Variants in RYR2 observed in about 807,000 individuals in gnomAD.
The protein encoded by RYR2 is ryanodine receptor 2.
A neutral mutation model predicts 601.1 loss-of-function variants in RYR2; 227 were observed. The ratio of observed to expected loss-of-function variants is 0.38; its 90% confidence interval spans 0.34 to 0.42. RYR2 has a LOEUF of 0.42. Ranked by LOEUF, RYR2 falls within the 10% of genes least tolerant of loss-of-function variation. RYR2 has a pLI of 1.00. For synonymous variants in RYR2, 2,223 were observed against 2,175.1 expected (o/e 1.02, Z -0.61); for missense variants, 4,646 against 6,156.5 (o/e 0.75, Z 8.21).
At chr1:237,631,874 C>CGGCG (rs1680348952) in intron 42 of RYR2, among the ~76,000 whole-genome samples, 2 of 53,176 alleles carry the variant, frequency 3.8e-5, no homozygotes, top group South Asian at 7.9e-4. Flanking sequence ...GTGATCCGCC[C>CGGCG]GCCTTGGCCT....
rs1486302379 is a variant in RYR2, at chr1:237,229,812, C to T, written c.49-40685C>T. Among the ~76,000 whole-genome samples, 7 of 152,264 alleles carry T rather than the reference C, an allele frequency of 4.6e-5. No homozygotes were observed. The South Asian group carries it at 1.0e-3, about 23-fold the overall frequency. ...GTATATCGTGCCCTTACTGTAAGCT[C>T]AAGGACACTGCATCTCCATGGGTTC... On this transcript the variant is annotated intron_variant, in intron 1 of 104. Transcript: ENST00000366574.
In RYR2 at chr1:237,645,535, G is replaced by A. The variant is rs116774054; in HGVS notation, c.7342+2088G>A. 3.0e-3 allele frequency among the ~76,000 whole-genome samples: 460 copies of A among 152,322 alleles called. 2 individuals are homozygous for A. The highest frequency in any genetic ancestry group is 0.01 in the African/African-American group (436 of 41,568). On this transcript the variant is annotated intron_variant, in intron 48 of 104. Transcript: ENST00000366574. ...GACATACAGATTAGGAAATAGGGAA[G>A]CATTAAATTTTGTAATAACATAATA...
intron 77 of RYR2, among the ~76,000 whole-genome samples, chr1:237,730,988 G>C (rs373723987): frequency 1.3e-5 from 2 of 152,108 alleles, no homozygotes; most frequent in South Asian, 2.1e-4. Context: ...CTAGTCAGAG[G>C]CTTCATGATT....
intron 35 of RYR2, among the ~76,000 whole-genome samples, chr1:237,603,615 TA>T (rs1264781812): frequency 6.6e-6 from 1 of 152,130 alleles, no homozygotes; most frequent in Non-Finnish European, 1.5e-5. Flanking sequence ...ATGCTCCAAT[TA>T]AAAAACACAG....
At chr1:237,592,988 C>G (rs1181991244) in intron 32 of RYR2, among the ~76,000 whole-genome samples, 2 of 150,040 alleles carry the variant, frequency 1.3e-5, no homozygotes, top group Admixed American at 1.3e-4. Context: ...ACCACTACAC[C>G]CCAGCCTGGG....
intron 1 of RYR2, among the ~76,000 whole-genome samples, chr1:237,046,608 T>C (rs558228319): frequency 6.6e-6 from 1 of 152,334 alleles, no homozygotes; most frequent in Admixed American, 6.5e-5. Flanking sequence ...CATGTACACA[T>C]TGGCAGGAAG....
At chr1:237,248,904 G>A (rs1687175119) in intron 1 of RYR2, among the ~76,000 whole-genome samples, 1 of 151,940 alleles carries the variant, frequency 6.6e-6, no homozygotes, top group South Asian at 2.1e-4. Context: ...TGGGATTACA[G>A]GCATGCGCCA....
intron 63 of RYR2, among the ~76,000 whole-genome samples, chr1:237,695,739 G>A (rs1206126206): frequency 6.6e-6 from 1 of 152,148 alleles, no homozygotes; most frequent in Non-Finnish European, 1.5e-5. Flanking sequence ...TCTTACACAT[G>A]CTAATGGGAT....
At chr1:237,592,884 CGTT>C (rs1000417658) in intron 32 of RYR2, among the ~76,000 whole-genome samples, 6 of 147,972 alleles carry the variant, frequency 4.1e-5, no homozygotes, top group African/African-American at 1.2e-4. Context: ...AACTGGGTGT[CGTT>C]GTGCACACCT....
chr1:237,675,823 G>A (rs1389136213), intron 60 of RYR2, among the ~76,000 whole-genome samples: 1 of 152,052 alleles, frequency 6.6e-6, no homozygotes, highest in Non-Finnish European at 1.5e-5. Context: ...TTCCAATTGA[G>A]CATCTTTCTC....
At chr1:237,613,813 G>T (rs1678160217) in intron 36 of RYR2, among the ~76,000 whole-genome samples, 1 of 152,110 alleles carries the variant, frequency 6.6e-6, no homozygotes, top group South Asian at 2.1e-4. Context: ...TCAGATTCAG[G>T]ATGCTCAACC....
intron 1 of RYR2, among the ~76,000 whole-genome samples, chr1:237,137,045 T>C (rs1352629328): frequency 6.7e-6 from 1 of 149,618 alleles, no homozygotes; most frequent in Admixed American, 6.7e-5. Context: ...AAAAAGATGC[T>C]GAACAAAATA....
At chr1:237,818,403 C>T (rs1404502260) in intron 100 of RYR2, among the ~76,000 whole-genome samples, 1 of 152,166 alleles carries the variant, frequency 6.6e-6, no homozygotes, top group African/African-American at 2.4e-5. Flanking sequence ...CTAAAATGCA[C>T]TTTAGTGAAC....
At chr1:237,129,527 A>G (rs1287708243) in intron 1 of RYR2, among the ~76,000 whole-genome samples, 1 of 152,150 alleles carries the variant, frequency 6.6e-6, no homozygotes, top group African/African-American at 2.4e-5. Context: ...CAATTTTGAC[A>G]GATTGAAGAG....
chr1:237,155,574 T>A (rs577122617), intron 1 of RYR2, among the ~76,000 whole-genome samples: 1 of 152,358 alleles, frequency 6.6e-6, no homozygotes, highest in South Asian at 2.1e-4. Context: ...ACTTCCAGTT[T>A]TGTATTGGAA....
At chr1:237,344,115 G>A (rs1255218287) in intron 3 of RYR2, among the ~76,000 whole-genome samples, 1 of 152,186 alleles carries the variant, frequency 6.6e-6, no homozygotes, top group Non-Finnish European at 1.5e-5. Flanking sequence ...GAGCCACCAC[G>A]CCTGGCCCCC....
intron 34 of RYR2, 21 bp downstream of exon 34, chr1:237,595,678 T>C (rs752783492): frequency 6.3e-6 from 10 of 1,589,250 alleles, no homozygotes; most frequent in African/African-American, 5.4e-5. Flanking sequence ...AGTGATGATA[T>C]CAGTCTTCTA....
intron 10 of RYR2, among the ~76,000 whole-genome samples, chr1:237,412,451 GT>G (rs1704548993): frequency 6.6e-6 from 1 of 152,124 alleles, no homozygotes; most frequent in South Asian, 2.1e-4. Flanking sequence ...CATACTGCTG[GT>G]TATTATATGT....
intron 2 of RYR2, among the ~76,000 whole-genome samples, chr1:237,289,261 A>G (rs976892013): frequency 1.3e-5 from 2 of 151,982 alleles, no homozygotes; most frequent in African/African-American, 2.4e-5. Context: ...AAAATTAACA[A>G]TGCGAGCCCC....
Sources: allele counts gnomAD v4.1 joint callset (sites outside exome capture counted in the v4.1 genomes callset), GRCh38; gene constraint gnomAD v4.1.1; transcripts MANE v1.5; gene names NCBI Gene and HGNC (gene_info 2026-07-23, HGNC 2026-07-21).